The following RSPO2 variants were observed in gnomAD, a reference collection of about 807,000 sequenced individuals.
RSPO2 encodes R-spondin 2.
A neutral mutation model predicts 30.9 loss-of-function variants in RSPO2; 14 were observed. The ratio of observed to expected loss-of-function variants is 0.45; its 90% confidence interval spans 0.30 to 0.71. The LOEUF (loss-of-function observed/expected upper bound fraction) is 0.71. Ranked by LOEUF, RSPO2 falls within the 30% of genes least tolerant of loss-of-function variation. The pLI, the probability that RSPO2 is intolerant of heterozygous loss-of-function variation, is 0.08. For synonymous variants in RSPO2, 107 were observed against 96.4 expected (o/e 1.11, Z -0.64); for missense variants, 264 against 301.9 (o/e 0.87, Z 0.93).
intron 5 of RSPO2, among the ~76,000 whole-genome samples, chr8:107,918,381 A>G (rs934989472): frequency 1.3e-5 from 2 of 152,152 alleles, no homozygotes; most frequent in East Asian, 3.9e-4. Flanking sequence ...ACACCATTGG[A>G]GAAACTGGTT....
At chr8:108,063,819 A>G (rs1812561409) in intron 2 of RSPO2, among the ~76,000 whole-genome samples, 1 of 152,224 alleles carries the variant, frequency 6.6e-6, no homozygotes, top group Non-Finnish European at 1.5e-5. Context: ...TGGTACTGGT[A>G]TCAAAACAGA....
At chr8:108,021,106 A>G (rs1360179951) in intron 2 of RSPO2, among the ~76,000 whole-genome samples, 1 of 152,180 alleles carries the variant, frequency 6.6e-6, no homozygotes, top group Non-Finnish European at 1.5e-5. Context: ...ACTTAACAAG[A>G]TATTTATGCA....
At chr8:108,002,681 T>C (rs1815290481) in intron 2 of RSPO2, among the ~76,000 whole-genome samples, 1 of 152,180 alleles carries the variant, frequency 6.6e-6, no homozygotes, top group Non-Finnish European at 1.5e-5. Context: ...GATGACTTAT[T>C]TGGTGTCATA....
intron 3 of RSPO2, among the ~76,000 whole-genome samples, chr8:107,977,683 G>C (rs1169997575): frequency 6.6e-6 from 1 of 151,926 alleles, no homozygotes; most frequent in Non-Finnish European, 1.5e-5. Flanking sequence ...TCACTGTAGA[G>C]GAAAATAATT....
At chr8:107,997,554 A>G (rs1313734715) in intron 2 of RSPO2, among the ~76,000 whole-genome samples, 1 of 152,212 alleles carries the variant, frequency 6.6e-6, no homozygotes, top group Non-Finnish European at 1.5e-5. Flanking sequence ...ATAGTCATAA[A>G]CAGTGATTCT....
chr8:108,001,025 A>G, intron 2 of RSPO2, among the ~76,000 whole-genome samples: 1 of 148,662 alleles, frequency 6.7e-6, no homozygotes, highest in South Asian at 2.1e-4. Flanking sequence ...ATAAATAAAA[A>G]TAAAATAATA....
At chr8:108,016,097 A>G (rs2443786) in intron 2 of RSPO2, among the ~76,000 whole-genome samples, 117,877 of 152,158 alleles carry the variant, frequency 0.77, 46,915 homozygotes, top group African/African-American at 0.95. Context: ...AAAGCTGGGA[A>G]AGAGGATATG....
chr8:108,009,553 A>T (rs1419005594), intron 2 of RSPO2, among the ~76,000 whole-genome samples: 1 of 152,212 alleles, frequency 6.6e-6, no homozygotes, highest in African/African-American at 2.4e-5. Context: ...TGATTAAATA[A>T]TATTTGAATA....
At chr8:108,063,716 G>T (rs945609535) in intron 2 of RSPO2, among the ~76,000 whole-genome samples, 5 of 151,872 alleles carry the variant, frequency 3.3e-5, no homozygotes, top group African/African-American at 1.2e-4. Flanking sequence ...AGCCCGCATT[G>T]CCAAGTCAAT....
chr8:108,003,472 C>T (rs1311659142), intron 2 of RSPO2, among the ~76,000 whole-genome samples: 3 of 150,822 alleles, frequency 2.0e-5, no homozygotes, highest in South Asian at 2.1e-4. Context: ...CCACCGTGCC[C>T]GGCCTAACCA....
intron 5 of RSPO2, among the ~76,000 whole-genome samples, chr8:107,921,559 A>G (rs565887871): frequency 6.6e-6 from 1 of 152,160 alleles, no homozygotes; most frequent in Non-Finnish European, 1.5e-5. Context: ...TCCCACTAAA[A>G]CTATTCCAAA....
At chr8:107,928,725 G>T (rs565379779) in intron 5 of RSPO2, among the ~76,000 whole-genome samples, 2 of 152,142 alleles carry the variant, frequency 1.3e-5, no homozygotes, top group South Asian at 2.1e-4. Context: ...GCTTCATAGC[G>T]GGTATCTTCT....
Position 107,948,387 on chromosome 8 carries a change from A to G in RSPO2, c.616+9693T>C, listed in dbSNP as rs555696804. Among the ~76,000 whole-genome samples the G allele has an allele frequency of 3.3e-5, 5 of 152,370 alleles. No homozygotes were observed. The East Asian group carries it at 9.6e-4, about 29-fold the overall frequency. ...AAGAGAAATTGGAAGGCATCCTGTA[A>G]CATATTTTTTAAAAGTCAATGCAAT... On this transcript the variant is annotated intron_variant, in intron 5 of 5. Transcript: ENST00000276659.
intron 2 of RSPO2, among the ~76,000 whole-genome samples, chr8:108,027,222 T>C (rs1368029996): frequency 6.6e-6 from 1 of 152,228 alleles, no homozygotes; most frequent in Non-Finnish European, 1.5e-5. Flanking sequence ...TGCTCAAACA[T>C]GTCACATTTT....
chr8:108,027,089 C>A (rs1011034192), intron 2 of RSPO2, among the ~76,000 whole-genome samples: 43 of 152,254 alleles, frequency 2.8e-4, no homozygotes, highest in Non-Finnish European at 1.0e-4. Context: ...TGTGAAACTT[C>A]ACCTGGTTTT....
chr8:108,003,247 ATGTATGT>A (rs1815310384), intron 2 of RSPO2, among the ~76,000 whole-genome samples: 2 of 61,236 alleles, frequency 3.3e-5, no homozygotes, highest in African/African-American at 1.8e-4. Flanking sequence ...ATATGTATGT[ATGTATGT>A]GTGTGTGTGT....
chr8:108,040,066 T>C (rs1811706293), intron 2 of RSPO2, among the ~76,000 whole-genome samples: 1 of 152,140 alleles, frequency 6.6e-6, no homozygotes. Flanking sequence ...CCACCTAGTC[T>C]ATGGTACTTT....
At chr8:108,072,686 G>A (rs1378466655) in intron 2 of RSPO2, among the ~76,000 whole-genome samples, 1 of 151,518 alleles carries the variant, frequency 6.6e-6, no homozygotes, top group Non-Finnish European at 1.5e-5. Flanking sequence ...TACACAAGGG[G>A]GAATAAGAAC....
intron 5 of RSPO2, among the ~76,000 whole-genome samples, chr8:107,904,157 C>T (rs1811564399): frequency 6.6e-6 from 1 of 151,766 alleles, no homozygotes; most frequent in South Asian, 2.1e-4. Flanking sequence ...ATTTCTTTAC[C>T]TCTGTGGATG....
Sources: gnomAD v4.1 joint callset for allele counts (sites outside exome capture counted in the v4.1 genomes callset) on GRCh38, gnomAD v4.1.1 for gene constraint, MANE v1.5 for transcripts, NCBI Gene and HGNC (gene_info 2026-07-23, HGNC 2026-07-21) for gene names.